FRMD3: variants seen among roughly 807,000 people sequenced by gnomAD.
The protein encoded by FRMD3 is FERM domain-containing protein 3.
In FRMD3, 33 loss-of-function variants were observed where a neutral mutation model predicts 70.2. The ratio of observed to expected loss-of-function variants is 0.47; its 90% confidence interval spans 0.36 to 0.63. The LOEUF (loss-of-function observed/expected upper bound fraction) is 0.63. Ranked by LOEUF, FRMD3 falls within the 20% of genes least tolerant of loss-of-function variation. FRMD3 has a pLI of 0.00. For synonymous variants in FRMD3, 279 were observed against 255.9 expected, an observed-to-expected ratio of 1.09 and a Z score of -0.86; for missense variants, 632 against 711.4, an observed-to-expected ratio of 0.89 and a Z score of 1.27.
At chr9:83,345,767 T>C (rs1472554079) in intron 4 of FRMD3, among the ~76,000 whole-genome samples, 1 of 149,654 alleles carries the variant, frequency 6.7e-6, no homozygotes, top group Non-Finnish European at 1.5e-5. Flanking sequence ...AAAAAATAAA[T>C]AAAAATAAAG....
intron 6 of FRMD3, among the ~76,000 whole-genome samples, chr9:83,334,892 A>T (rs761604141): frequency 1.3e-5 from 2 of 152,206 alleles, no homozygotes; most frequent in East Asian, 3.8e-4. Flanking sequence ...CTCATCTGTA[A>T]TATGAGAATA....
chr9:83,533,380 T>C (rs967761265), intron 1 of FRMD3, among the ~76,000 whole-genome samples: 4 of 152,240 alleles, frequency 2.6e-5, no homozygotes, highest in Admixed American at 6.5e-5. Flanking sequence ...AAATGCTTCA[T>C]TCACATGTAA....
At chr9:83,484,932 A>T (rs1425408233) in intron 1 of FRMD3, among the ~76,000 whole-genome samples, 1 of 152,232 alleles carries the variant, frequency 6.6e-6, no homozygotes, top group Non-Finnish European at 1.5e-5. Context: ...AAAGGAAAAC[A>T]TAATAGAAAG....
At chr9:83,302,372 G>A (rs565358459) in intron 10 of FRMD3, among the ~76,000 whole-genome samples, 1 of 152,158 alleles carries the variant, frequency 6.6e-6, no homozygotes, top group Non-Finnish European at 1.5e-5. Flanking sequence ...TGACCCAAGA[G>A]GTGACATTTC....
At chr9:83,492,235 T>G (rs141866121) in intron 1 of FRMD3, among the ~76,000 whole-genome samples, 2 of 152,300 alleles carry the variant, frequency 1.3e-5, no homozygotes, top group Non-Finnish European at 2.9e-5. Flanking sequence ...CTGATAGAGT[T>G]GACAGCATTA....
chr9:83,329,610 C>T (rs1025256380), intron 6 of FRMD3, among the ~76,000 whole-genome samples: 1 of 152,094 alleles, frequency 6.6e-6, no homozygotes, highest in African/African-American at 2.4e-5. Flanking sequence ...GAGAATATAA[C>T]CTTTAAGAAA....
intron 1 of FRMD3, among the ~76,000 whole-genome samples, chr9:83,427,624 T>C (rs1383620755): frequency 6.6e-6 from 1 of 152,100 alleles, no homozygotes; most frequent in Non-Finnish European, 1.5e-5. Context: ...TTAATGTTAG[T>C]ATGAACTGAC....
intron 1 of FRMD3, among the ~76,000 whole-genome samples, chr9:83,521,696 C>A (rs990910234): frequency 3.3e-5 from 5 of 152,178 alleles, no homozygotes; most frequent in Admixed American, 1.3e-4. Flanking sequence ...CAGACTCTGA[C>A]CCCCACTCCA....
At chr9:83,490,215 C>T (rs1828785408) in intron 1 of FRMD3, among the ~76,000 whole-genome samples, 1 of 152,172 alleles carries the variant, frequency 6.6e-6, no homozygotes, top group African/African-American at 2.4e-5. Context: ...ATGGACACCC[C>T]TGGGGATGGT....
At chr9:83,508,290 C>T (rs1005735240) in intron 1 of FRMD3, among the ~76,000 whole-genome samples, 2 of 152,208 alleles carry the variant, frequency 1.3e-5, no homozygotes, top group Non-Finnish European at 2.9e-5. Context: ...GGAGGCATAA[C>T]AGGGACTGCC....
the FRMD3 span, among the ~76,000 whole-genome samples, chr9:83,584,205 G>A: frequency 9.9e-5 from 15 of 151,950 alleles, no homozygotes; most frequent in South Asian, 4.2e-4. Context: ...GCATGGTGGC[G>A]CACACCTGTA....
In FRMD3 at chr9:83,538,350, T is replaced by A. The variant is rs1017461178; in HGVS notation, c.-119A>T. Reference sequence around the variant, plus strand: ...CTGGGCGCGGCTCAGCCCCGGGACATCGGCAGCGTCGGGCGCCTGCGGACA... The same window carrying A: ...CTGGGCGCGGCTCAGCCCCGGGACAACGGCAGCGTCGGGCGCCTGCGGACA... On this transcript the variant is annotated 5_prime_UTR_variant, in exon 1 of 14. It removes an upstream start codon present in the reference 5' UTR. Coordinates refer to ENST00000304195, the MANE Select transcript of FRMD3 (RefSeq NM_174938.6). The surrounding 1 kb of genome is among the most constrained non-coding windows in gnomAD (Gnocchi z 4.7). 14 of 935,674 alleles carry A rather than the reference T, an allele frequency of 1.5e-5. No individual in the cohort carries two copies. In the South Asian group the frequency reaches 2.5e-4, roughly 17 times the overall value. The allele number at this position is 935,674 out of a possible 1,614,324, so 58.0% of individuals were successfully genotyped here. A position where few individuals can be genotyped will look rare whatever the true frequency, so the allele number is the denominator to read the frequency against.
the FRMD3 span, among the ~76,000 whole-genome samples, chr9:83,567,265 A>T: frequency 7.0e-4 from 107 of 152,306 alleles, no homozygotes; most frequent in African/African-American, 2.4e-3. Context: ...AGCAGCTGGG[A>T]CACAGGGCAC....
chr9:83,491,226 A>G (rs1828817555), intron 1 of FRMD3, among the ~76,000 whole-genome samples: 2 of 152,338 alleles, frequency 1.3e-5, no homozygotes, highest in Admixed American at 6.5e-5. Flanking sequence ...ACTTGAGATA[A>G]AAGGAAAACT....
At chr9:83,310,621 A>C in intron 8 of FRMD3, 73 bp from the exon 9 acceptor site, 4 of 1,140,272 alleles carry the variant, frequency 3.5e-6, no homozygotes, top group Non-Finnish European at 3.8e-6. Flanking sequence ...TTCCCATAGG[A>C]ATCTGACTCA....
intron 6 of FRMD3, among the ~76,000 whole-genome samples, chr9:83,317,979 C>T (rs113085154): frequency 3.3e-5 from 5 of 152,324 alleles, no homozygotes; most frequent in African/African-American, 4.8e-5. Flanking sequence ...CCAGTAACCA[C>T]GACTCCAACC....
chr9:83,389,562 G>T, intron 2 of FRMD3, 42 bp downstream of exon 2: 1 of 1,317,516 alleles, frequency 7.6e-7, no homozygotes, highest in Non-Finnish European at 1.1e-6. Context: ...CACAGTCTGG[G>T]TCACTCCCTG....
At chr9:83,348,747 C>T (rs928971449) in intron 4 of FRMD3, among the ~76,000 whole-genome samples, 1 of 152,118 alleles carries the variant, frequency 6.6e-6, no homozygotes, top group Non-Finnish European at 1.5e-5. Flanking sequence ...CTCCCCATCT[C>T]CCACGCCCAG....
chr9:83,555,044 T>C, the FRMD3 span, among the ~76,000 whole-genome samples: 2 of 152,136 alleles, frequency 1.3e-5, no homozygotes, highest in South Asian at 4.1e-4. Flanking sequence ...CAAAGCCACC[T>C]ATAAGAAATG....
Sources: allele counts gnomAD v4.1 joint callset (sites outside exome capture counted in the v4.1 genomes callset), GRCh38; gene constraint gnomAD v4.1.1; non-coding constraint Gnocchi (gnomAD v3.1); transcripts MANE v1.5; gene names NCBI Gene and HGNC (gene_info 2026-07-23, HGNC 2026-07-21).